The following LITAF variants were observed in gnomAD, a reference collection of about 807,000 sequenced individuals.
The protein encoded by LITAF is lipopolysaccharide induced TNF factor.
A neutral mutation model predicts 14.5 loss-of-function variants in LITAF; 9 were observed. That is an observed-to-expected ratio of 0.62 (90% confidence interval 0.37 to 1.08). The LOEUF is 1.08. Ranked by LOEUF, LITAF falls within the 50% of genes least tolerant of loss-of-function variation. The pLI, the probability that LITAF is intolerant of heterozygous loss-of-function variation, is 0.01. For missense variants in LITAF, 206 were observed against 213.4 expected, an observed-to-expected ratio of 0.97 and a Z score of 0.22; for synonymous variants, 98 against 88.2, an observed-to-expected ratio of 1.11 and a Z score of -0.62.
intron 2 of LITAF, chr16:11,556,202 G>T (rs748864960): frequency 3.9e-6 from 2 of 511,022 alleles, no homozygotes; most frequent in Non-Finnish European, 6.9e-6. Flanking sequence ...AGGAGGAAGT[G>T]TGCGGGCCCT....
chr16:11,629,159 A>T (rs1251984478), intron 3 of LITAF: 1 of 152,318 alleles, frequency 6.6e-6, no homozygotes, highest in African/African-American at 2.4e-5. Flanking sequence ...TCAGCAGCAA[A>T]GGGAGCCTAA....
At chr16:11,637,801 G>A (rs4289013), upstream of LITAF, among the ~76,000 whole-genome samples, 52,673 of 147,992 alleles carry the variant, frequency 0.36, 11,006 homozygotes, top group African/African-American at 0.59. Flanking sequence ...GCATCACTTG[G>A]CCCTAGGAGT....
At chr16:11,580,261 G>GTT (rs371546590) in intron 1 of LITAF, among the ~76,000 whole-genome samples, 23 of 145,456 alleles carry the variant, frequency 1.6e-4, no homozygotes, top group Non-Finnish European at 2.3e-4. Context: ...AACCAGTGAA[G>GTT]TTTTTTTTTT....
chr16:11,639,482 A>G (rs951785020), upstream of LITAF, among the ~76,000 whole-genome samples: 2 of 151,800 alleles, frequency 1.3e-5, no homozygotes, highest in South Asian at 2.1e-4. Flanking sequence ...TGGATGGATG[A>G]ATGGATGGAT....
chr16:11,628,737 C>T (rs1238480820), intron 3 of LITAF, among the ~76,000 whole-genome samples: 3 of 151,664 alleles, frequency 2.0e-5, no homozygotes, highest in Non-Finnish European at 4.4e-5. Flanking sequence ...AGTACAGTGG[C>T]GTGTTCTCAG....
Position 11,634,003 on chromosome 16 carries a change from C to A in LITAF, c.-20-366G>T, listed in dbSNP as rs149494154. On this transcript the variant is annotated intron_variant, in intron 2 of 3. Coordinates refer to the LITAF transcript ENST00000574848. The surrounding 1 kb of genome is among the most constrained non-coding windows in gnomAD (Gnocchi z 4.1). The stretch of plus-strand genomic sequence containing the variant: ...ATGTTTGCTGTGATTAGTGGCATCA[C>A]ACACGCAGACATGTGTAAGGCCACT... Among the ~76,000 whole-genome samples, 10 of 152,290 alleles carry A rather than the reference C, an allele frequency of 6.6e-5. No individual in the cohort carries two copies. Among genetic ancestry groups the A allele is most frequent in the Admixed American group, 2.0e-4 (3 of 15,278 alleles).
At chr16:11,626,391 T>A (rs2065084027) in intron 3 of LITAF, among the ~76,000 whole-genome samples, 1 of 147,228 alleles carries the variant, frequency 6.8e-6, no homozygotes, top group African/African-American at 2.4e-5. Context: ...TTGCCCAGGC[T>A]GGAGTGCAGT....
Position 11,605,956 on chromosome 16 carries a change from A to C in LITAF, c.85+27577T>G, listed in dbSNP as rs1443226576. On this transcript the variant is annotated intron_variant, in intron 3 of 3. Transcript: ENST00000574848. This position sits in a 1 kb window ranked among gnomAD's most constrained non-coding sequence, Gnocchi z 4.7. ...ACAGCCTGATCTTCTGGGAGCCCCCATTCTTCCTTCAAAGTGTTGCACACA... is the reference window on the plus strand; with the variant it reads ...ACAGCCTGATCTTCTGGGAGCCCCCCTTCTTCCTTCAAAGTGTTGCACACA... Among the ~76,000 whole-genome samples the C allele has an allele frequency of 6.6e-6, 1 of 152,090 alleles. No homozygotes were observed. The highest frequency in any genetic ancestry group is 1.5e-5 in the Non-Finnish European group (1 of 68,000).
At chr16:11,580,476 T>TC in intron 1 of LITAF, among the ~76,000 whole-genome samples, 1 of 152,320 alleles carries the variant, frequency 6.6e-6, no homozygotes, top group African/African-American at 2.4e-5. Flanking sequence ...CAGGCTGTTC[T>TC]TGAACTCCTG....
upstream of LITAF, chr16:11,587,138 T>C: frequency 3.3e-6 from 1 of 298,878 alleles, no homozygotes; most frequent in Non-Finnish European, 6.7e-6. Flanking sequence ...ACCCCAGAGC[T>C]TCCCAGGCTT....
Position 11,585,003 on chromosome 16 carries a change from T to C in LITAF, c.-6+1883A>G, listed in dbSNP as rs369880825. ...CAGGTGGATCACTAGAGGTCAGAAG[T>C]TCGAAAACAGCCTGGCCAACATGGC... On this transcript the variant is annotated intron_variant, in intron 1 of 3. Coordinates refer to ENST00000622633, the MANE Select transcript of LITAF (RefSeq NM_001136472.2). 4.6e-5 allele frequency among the ~76,000 whole-genome samples: 7 copies of C among 151,992 alleles called. No homozygotes were observed. The East Asian group carries it at 1.2e-3, about 25-fold the overall frequency.
chr16:11,599,652 C>T (rs958280266), upstream of LITAF, among the ~76,000 whole-genome samples: 17 of 152,152 alleles, frequency 1.1e-4, no homozygotes, highest in African/African-American at 3.1e-4. Flanking sequence ...CCCAGAGAGG[C>T]GGCAGAGCCC....
At chr16:11,623,428 G>A (rs1385799750) in intron 3 of LITAF, among the ~76,000 whole-genome samples, 4 of 151,686 alleles carry the variant, frequency 2.6e-5, no homozygotes, top group South Asian at 4.2e-4. Flanking sequence ...TTGGGAGGCC[G>A]AGGCGGACAG....
rs2064209889 is a variant in LITAF at position 11,553,280 on chromosome 16, G to A, written c.377+253C>T. ...CTAAAAATAAGCTGGGCGTGGTTGT[G>A]CACCCCTATAATCCCAGCTACACGG... On this transcript the variant is annotated intron_variant, in intron 3 of 3. Transcript: ENST00000622633. This position sits in a 1 kb window ranked among gnomAD's most constrained non-coding sequence, Gnocchi z 7.7. The A allele has an allele frequency of 4.3e-6, 2 of 465,356 alleles. No individual in the cohort carries two copies. Among genetic ancestry groups the A allele is most frequent in the Non-Finnish European group, 8.0e-6 (2 of 250,608 alleles). 28.8% of individuals were successfully genotyped at this position (465,356 alleles called of 1,614,324 possible).
upstream of LITAF, among the ~76,000 whole-genome samples, chr16:11,589,242 T>C (rs2064834602): frequency 6.6e-6 from 1 of 152,184 alleles, no homozygotes; most frequent in African/African-American, 2.4e-5. Context: ...CCAATAATGC[T>C]TTCATGATTA....
In LITAF at chr16:11,596,799, G is replaced by A. The variant is rs1268957868; in HGVS notation, c.-6+1589C>T. Among the ~76,000 whole-genome samples, 33 of 129,792 alleles carry A rather than the reference G, an allele frequency of 2.5e-4. No individual in the cohort carries two copies. In the Middle Eastern group the frequency reaches 0.012, roughly 47 times the overall value. 85.1% of individuals were successfully genotyped at this position (129,792 alleles called of 152,430 possible). On this transcript the variant is annotated intron_variant, in intron 1 of 3. Transcript: ENST00000571627. ...GGAGGGGGACAGGGGAGAGGGGGAA[G>A]GGACAGGAGGAAAGAAGAGGGGGAG...
exon 2 of LITAF, chr16:11,635,899 G>A (rs1023752015): frequency 2.0e-5 from 3 of 152,280 alleles, no homozygotes; most frequent in Admixed American, 2.0e-4. Flanking sequence ...GGCCAGACTC[G>A]GGCTCTGGGT....
At chr16:11,619,343 C>T (rs1304012636) in intron 3 of LITAF, among the ~76,000 whole-genome samples, 2 of 151,908 alleles carry the variant, frequency 1.3e-5, no homozygotes, top group African/African-American at 4.8e-5. Context: ...AACCCCAGCA[C>T]TGCTGGGCTC....
chr16:11,563,202 G>A (rs1482396940), intron 1 of LITAF, among the ~76,000 whole-genome samples: 3 of 151,982 alleles, frequency 2.0e-5, no homozygotes, highest in South Asian at 4.2e-4. Context: ...AGACTGGAAC[G>A]CAGTGGCGTG....
Sources: allele counts gnomAD v4.1 joint callset (sites outside exome capture counted in the v4.1 genomes callset), GRCh38; gene constraint gnomAD v4.1.1; non-coding constraint Gnocchi (gnomAD v3.1); transcripts MANE v1.5; gene names NCBI Gene and HGNC (gene_info 2026-07-23, HGNC 2026-07-21).